Variants in GRAMD1B observed in about 807,000 individuals in gnomAD.
GRAMD1B encodes the protein GRAM domain containing 1B, also known as protein Aster-B.
In GRAMD1B, 37 loss-of-function variants were observed where a neutral mutation model predicts 99.7. The ratio of observed to expected loss-of-function variants is 0.37; its 90% CI spans 0.29 to 0.49. The LOEUF is 0.49. Among genes scored for constraint, GRAMD1B ranks in the 20% least tolerant of loss-of-function variants. GRAMD1B has a pLI of 0.98. For synonymous variants in GRAMD1B, 427 were observed against 387.6 expected (o/e 1.10, Z -1.19); for missense variants, 888 against 1,009.2 (o/e 0.88, Z 1.63).
At chr11:123,450,999 C>A (rs928214226) in intron 1 of GRAMD1B, among the ~76,000 whole-genome samples, 1 of 152,102 alleles carries the variant, frequency 6.6e-6, no homozygotes, top group African/African-American at 2.4e-5. Flanking sequence ...GTACCTTAAA[C>A]TGGGCTCCAA....
Position 123,610,807 on chromosome 11 carries a change from G to A in GRAMD1B, c.1919+469G>A, listed in dbSNP as rs1953436752. On this transcript the variant is annotated intron_variant, in intron 14 of 19. Coordinates refer to ENST00000635736, the MANE Select transcript of GRAMD1B (RefSeq NM_001387025.1). This position sits in a 1 kb window ranked among gnomAD's most constrained non-coding sequence, Gnocchi z 4.1. ...GATTGCCATTAGTGTTAGACAGTGAGCTCCACGAGGACAGGAATTCCATTC... is the reference window on the plus strand; with the variant it reads ...GATTGCCATTAGTGTTAGACAGTGAACTCCACGAGGACAGGAATTCCATTC... Among the ~76,000 whole-genome samples the A allele has an allele frequency of 6.6e-6, 1 of 152,186 alleles. No homozygotes were observed. Among genetic ancestry groups the A allele is most frequent in the Non-Finnish European group, 1.5e-5 (1 of 68,042 alleles).
intron 2 of GRAMD1B, among the ~76,000 whole-genome samples, chr11:123,542,778 G>A (rs752695391): frequency 6.6e-6 from 1 of 151,934 alleles, no homozygotes; most frequent in Non-Finnish European, 1.5e-5. Context: ...TCAGCCTCCC[G>A]AGTAGCTGGG....
intron 2 of GRAMD1B, among the ~76,000 whole-genome samples, chr11:123,484,162 C>T (rs985616188): frequency 2.0e-5 from 3 of 152,174 alleles, no homozygotes; most frequent in Non-Finnish European, 4.4e-5. Flanking sequence ...CCAAACATCT[C>T]CAGAAGTATA....
At chr11:123,515,956 C>T (rs924097298) in intron 2 of GRAMD1B, among the ~76,000 whole-genome samples, 4 of 151,992 alleles carry the variant, frequency 2.6e-5, no homozygotes, top group Admixed American at 6.6e-5. Flanking sequence ...TTAGTAGAGA[C>T]GAGGGTTTCA....
chr11:123,581,882 G>C (rs1378298478), intron 3 of GRAMD1B, among the ~76,000 whole-genome samples: 2 of 152,226 alleles, frequency 1.3e-5, no homozygotes, highest in Non-Finnish European at 1.5e-5. Context: ...CATGCAAAGG[G>C]ACCATCTGCT....
At chr11:123,508,406 C>G (rs1389301565) in intron 2 of GRAMD1B, among the ~76,000 whole-genome samples, 1 of 152,214 alleles carries the variant, frequency 6.6e-6, no homozygotes, top group East Asian at 1.9e-4. Flanking sequence ...AAAGGTTCCA[C>G]CTCTTAATAC....
Position 123,591,075 on chromosome 11 carries a change from G to T in GRAMD1B, c.685-3007G>T, listed in dbSNP as rs371655972. 2.0e-5 allele frequency: 4 copies of T among 201,204 alleles called. No individual in the cohort carries two copies. The highest frequency in any genetic ancestry group is 2.2e-4 in the East Asian group (2 of 9,034). 12.5% of individuals were successfully genotyped at this position (201,204 alleles called of 1,614,324 possible). ...CTGCACTGACCAGGTGGAGGTGCGT[G>T]ACCACACCACCTCTGGGCTACTCTC... On this transcript the variant is annotated intron_variant, in intron 4 of 19. Transcript: ENST00000635736. The surrounding 1 kb of genome is among the most constrained non-coding windows in gnomAD (Gnocchi z 4.7).
At chr11:123,562,988 A>G (rs1302697376) in intron 2 of GRAMD1B, among the ~76,000 whole-genome samples, 1 of 152,252 alleles carries the variant, frequency 6.6e-6, no homozygotes, top group Non-Finnish European at 1.5e-5. Context: ...ACTTCTCTGC[A>G]GTATTACAAC....
chr11:123,372,242 C>T (rs1364260975), intron 1 of GRAMD1B, among the ~76,000 whole-genome samples: 1 of 152,164 alleles, frequency 6.6e-6, no homozygotes, highest in African/African-American at 2.4e-5. Context: ...TCAGTTGTTA[C>T]TTGGTTTTAT....
At chr11:123,601,545 G>A (rs937159793) in intron 8 of GRAMD1B, among the ~76,000 whole-genome samples, 5 of 141,668 alleles carry the variant, frequency 3.5e-5, no homozygotes, top group African/African-American at 1.3e-4. Flanking sequence ...GTGTGTGTGT[G>A]TATGATTGAC....
intron 2 of GRAMD1B, among the ~76,000 whole-genome samples, chr11:123,574,445 A>C (rs987148704): frequency 6.6e-6 from 1 of 152,188 alleles, no homozygotes; most frequent in Non-Finnish European, 1.5e-5. Flanking sequence ...AGACCACTCA[A>C]CTGGCTATTT....
chr11:123,489,304 A>C (rs1024415301), intron 2 of GRAMD1B, among the ~76,000 whole-genome samples: 1 of 152,186 alleles, frequency 6.6e-6, no homozygotes, highest in African/African-American at 2.4e-5. Context: ...GGAGTGTGCC[A>C]GTGGATAGAA....
At chr11:123,362,430 T>G (rs1216049734) in intron 1 of GRAMD1B, among the ~76,000 whole-genome samples, 1 of 152,156 alleles carries the variant, frequency 6.6e-6, no homozygotes, top group Non-Finnish European at 1.5e-5. Flanking sequence ...AAAAGAGAAG[T>G]TTTTCCCTTC....
At chr11:123,533,246 C>T (rs919473898) in intron 2 of GRAMD1B, among the ~76,000 whole-genome samples, 10 of 152,176 alleles carry the variant, frequency 6.6e-5, no homozygotes, top group African/African-American at 2.4e-4. Flanking sequence ...GCTGGGATTA[C>T]AGGCGTGAGC....
chr11:123,494,283 A>G (rs950697174), intron 2 of GRAMD1B, among the ~76,000 whole-genome samples: 1 of 152,120 alleles, frequency 6.6e-6, no homozygotes, highest in African/African-American at 2.4e-5. Context: ...TTACACATCT[A>G]TTAACCTTTT....
At chr11:123,577,682 C>A in intron 3 of GRAMD1B, 105 bp downstream of exon 3, 1 of 817,058 alleles carries the variant, frequency 1.2e-6, no homozygotes, top group Non-Finnish European at 2.0e-6. Flanking sequence ...ACGTGATGAA[C>A]AGCCCTGATG....
At chr11:123,464,704 G>A (rs1262163128) in intron 1 of GRAMD1B, among the ~76,000 whole-genome samples, 1 of 152,208 alleles carries the variant, frequency 6.6e-6, no homozygotes, top group Admixed American at 6.5e-5. Flanking sequence ...TGCAGCCAAG[G>A]TGGTACTGAT....
At chr11:123,502,898 G>T (rs1347559159) in intron 2 of GRAMD1B, among the ~76,000 whole-genome samples, 1 of 152,090 alleles carries the variant, frequency 6.6e-6, no homozygotes, top group Non-Finnish European at 1.5e-5. Flanking sequence ...TTAGCCTATA[G>T]TTGGGCAAAA....
intron 17 of GRAMD1B, among the ~76,000 whole-genome samples, chr11:123,616,477 G>A (rs895429194): frequency 6.6e-6 from 1 of 152,248 alleles, no homozygotes; most frequent in Non-Finnish European, 1.5e-5. Flanking sequence ...TTAGTTCTGT[G>A]TTTAAGCTCT....
Sources: gnomAD v4.1 joint callset for allele counts (sites outside exome capture counted in the v4.1 genomes callset) on GRCh38, gnomAD v4.1.1 for gene constraint, Gnocchi (gnomAD v3.1) non-coding constraint, MANE v1.5 for transcripts, NCBI Gene and HGNC (gene_info 2026-07-23, HGNC 2026-07-21) for gene names.